Variants in TMEM163 observed in about 807,000 individuals in gnomAD.
TMEM163 encodes transmembrane protein 163.
TMEM163 carries 17 observed loss-of-function variants against 29.3 expected under a neutral mutation model. The ratio of observed to expected loss-of-function variants is 0.58; its 90% CI spans 0.40 to 0.87. The LOEUF (loss-of-function observed/expected upper bound fraction) is 0.87. Among genes scored for constraint, TMEM163 ranks in the 40% least tolerant of loss-of-function variants. The pLI is 0.00. For missense variants in TMEM163, 303 were observed against 381.5 expected (o/e 0.79, Z 1.71); for synonymous variants, 157 against 160.6 (o/e 0.98, Z 0.17).
chr2:134,713,949 T>G (rs1013297777), intron 1 of TMEM163, among the ~76,000 whole-genome samples: 1 of 152,196 alleles, frequency 6.6e-6, no homozygotes, highest in Non-Finnish European at 1.5e-5. Context: ...ACACATCCTT[T>G]TTAGCAAGCA....
At chr2:134,475,754 G>A (rs2106477752) in intron 5 of TMEM163, among the ~76,000 whole-genome samples, 1 of 152,064 alleles carries the variant, frequency 6.6e-6, no homozygotes, top group South Asian at 2.1e-4. Context: ...GGTCAACAGG[G>A]AAAAGTACAT....
chr2:134,479,332 G>C (rs959991655), intron 5 of TMEM163, among the ~76,000 whole-genome samples: 2 of 152,192 alleles, frequency 1.3e-5, no homozygotes, highest in Non-Finnish European at 1.5e-5. Context: ...CATCTGAGTG[G>C]AATGTCTTTT....
chr2:134,600,733 G>A (rs774483311), intron 2 of TMEM163, among the ~76,000 whole-genome samples: 2 of 152,140 alleles, frequency 1.3e-5, no homozygotes, highest in Non-Finnish European at 2.9e-5. Context: ...CCTTCTTCAG[G>A]TTTCTCAGGT....
intron 5 of TMEM163, among the ~76,000 whole-genome samples, chr2:134,479,518 T>C (rs145671780): frequency 8.3e-4 from 126 of 152,274 alleles, no homozygotes; most frequent in African/African-American, 2.6e-3. Flanking sequence ...CCAATACTAA[T>C]CCTGTCATCT....
chr2:134,552,149 T>C (rs1325196221), intron 2 of TMEM163, 58 bp from the exon 3 acceptor site: 3 of 1,377,114 alleles, frequency 2.2e-6, no homozygotes, highest in Non-Finnish European at 2.0e-6. Context: ...TTTTTGAGTA[T>C]ATTAATACAT....
At chr2:134,531,952 C>T (rs1460663077) in intron 4 of TMEM163, among the ~76,000 whole-genome samples, 1 of 152,172 alleles carries the variant, frequency 6.6e-6, no homozygotes, top group Non-Finnish European at 1.5e-5. Flanking sequence ...CCAGGAGCTG[C>T]CAGCCATCAG....
intron 2 of TMEM163, among the ~76,000 whole-genome samples, chr2:134,615,146 T>C (rs923873558): frequency 4.6e-5 from 7 of 152,204 alleles, no homozygotes; most frequent in Non-Finnish European, 1.0e-4. Context: ...TGGATTTCAA[T>C]GTTTTTTGCA....
At chr2:134,581,290 C>T (rs1681685404) in intron 2 of TMEM163, among the ~76,000 whole-genome samples, 11 of 152,170 alleles carry the variant, frequency 7.2e-5, no homozygotes, top group Admixed American at 7.2e-4. Context: ...AAGCTCCTTT[C>T]CCTTAAAAGG....
At chr2:134,531,188 G>T (rs1264746794) in intron 4 of TMEM163, among the ~76,000 whole-genome samples, 1 of 152,156 alleles carries the variant, frequency 6.6e-6, no homozygotes, top group Non-Finnish European at 1.5e-5. Context: ...TGCTAGCAAT[G>T]GGCAGAAAGA....
At chr2:134,583,622 G>C (rs1681745903) in intron 2 of TMEM163, among the ~76,000 whole-genome samples, 1 of 152,146 alleles carries the variant, frequency 6.6e-6, no homozygotes, top group Non-Finnish European at 1.5e-5. Flanking sequence ...TCGGAAAAGG[G>C]GTTCACCACA....
At chr2:134,534,621 G>A (rs1487552603) in intron 4 of TMEM163, among the ~76,000 whole-genome samples, 1 of 152,032 alleles carries the variant, frequency 6.6e-6, no homozygotes, top group Non-Finnish European at 1.5e-5. Context: ...AGGTGGGGTG[G>A]CGCACTCCTG....
intron 2 of TMEM163, among the ~76,000 whole-genome samples, chr2:134,564,206 C>T (rs1018987298): frequency 2.6e-5 from 4 of 152,092 alleles, no homozygotes; most frequent in Non-Finnish European, 5.9e-5. Context: ...AACAAAGAGA[C>T]CACAGAACAA....
At chr2:134,476,584 A>C (rs1312741666) in intron 5 of TMEM163, among the ~76,000 whole-genome samples, 1 of 152,238 alleles carries the variant, frequency 6.6e-6, no homozygotes, top group Non-Finnish European at 1.5e-5. Context: ...GATCATGTAC[A>C]TAGTAATGTT....
intron 2 of TMEM163, among the ~76,000 whole-genome samples, chr2:134,577,845 A>G (rs1429654635): frequency 6.6e-6 from 1 of 152,194 alleles, no homozygotes; most frequent in South Asian, 2.1e-4. Flanking sequence ...TAATACAAAT[A>G]AAAACACAGC....
intron 4 of TMEM163, among the ~76,000 whole-genome samples, chr2:134,528,197 G>C (rs1331521157): frequency 6.6e-6 from 1 of 152,174 alleles, no homozygotes; most frequent in Admixed American, 6.5e-5. Flanking sequence ...GGGCAAACAG[G>C]AAACTATTCT....
chr2:134,630,823 T>C (rs1385722596), intron 2 of TMEM163, among the ~76,000 whole-genome samples: 2 of 152,166 alleles, frequency 1.3e-5, no homozygotes. Flanking sequence ...ACTGATTTTG[T>C]AATATCTGTG....
chr2:134,678,968 C>G (rs1052362305), intron 2 of TMEM163, among the ~76,000 whole-genome samples: 1 of 152,216 alleles, frequency 6.6e-6, no homozygotes, highest in African/African-American at 2.4e-5. Context: ...CTTCCAATAT[C>G]TACCTATGTG....
chr2:134,668,659 G>T (rs181566725), intron 2 of TMEM163, among the ~76,000 whole-genome samples: 1 of 151,576 alleles, frequency 6.6e-6, no homozygotes, highest in Non-Finnish European at 1.5e-5. Context: ...AGAAAAATGG[G>T]TTTTCTGGTG....
At chr2:134,491,162 G>A (rs1216919986) in intron 5 of TMEM163, among the ~76,000 whole-genome samples, 1 of 152,156 alleles carries the variant, frequency 6.6e-6, no homozygotes, top group Non-Finnish European at 1.5e-5. Context: ...AGAGAGGCAT[G>A]TGAAGAGCGA....
Sources: gnomAD v4.1 joint callset for allele counts (sites outside exome capture counted in the v4.1 genomes callset) on GRCh38, gnomAD v4.1.1 for gene constraint, MANE v1.5 for transcripts, NCBI Gene and HGNC (gene_info 2026-07-23, HGNC 2026-07-21) for gene names.